NRG1: variants seen among roughly 807,000 people sequenced by gnomAD.
NRG1 encodes pro-neuregulin-1, membrane-bound isoform.
NRG1 carries 18 observed loss-of-function variants against 63.8 expected under a neutral mutation model. The observed-to-expected ratio is 0.28, with a 90% CI of 0.19 to 0.42. The LOEUF (loss-of-function observed/expected upper bound fraction) is 0.42, where lower values mean the gene tolerates loss of function less well. NRG1 is among the 10% of genes least tolerant of loss of function. The pLI is 1.00. For synonymous variants in NRG1, 302 were observed against 301.3 expected, an observed-to-expected ratio of 1.00 and a Z score of -0.02; for missense variants, 762 against 814.7, an observed-to-expected ratio of 0.94 and a Z score of 0.79.
intron 1 of NRG1, among the ~76,000 whole-genome samples, chr8:32,119,483 G>A (rs1019705140): frequency 6.6e-6 from 1 of 152,058 alleles, no homozygotes; most frequent in African/African-American, 2.4e-5. Flanking sequence ...CAGTGTGGCA[G>A]AGACTCTAGT....
At chr8:32,548,212 G>A (rs1833327194), upstream of NRG1, 3 of 984,114 alleles carry the variant, frequency 3.0e-6, no homozygotes, top group Non-Finnish European at 3.6e-6. Flanking sequence ...GAGGGGGCGA[G>A]GCCAGGGGAG....
chr8:31,744,776 A>G (rs558458822), intron 1 of NRG1, among the ~76,000 whole-genome samples: 2 of 152,126 alleles, frequency 1.3e-5, no homozygotes, highest in Admixed American at 6.6e-5. Flanking sequence ...TGAATACTGT[A>G]GTAATAATTT....
At chr8:32,309,866 C>A (rs1255443810) in intron 1 of NRG1, among the ~76,000 whole-genome samples, 1 of 152,210 alleles carries the variant, frequency 6.6e-6, no homozygotes, top group African/African-American at 2.4e-5. Flanking sequence ...CAAAAATATG[C>A]AATTTTTCTA....
intron 1 of NRG1, among the ~76,000 whole-genome samples, chr8:32,495,104 A>G (rs1214263253): frequency 1.3e-5 from 2 of 152,182 alleles, no homozygotes; most frequent in Non-Finnish European, 2.9e-5. Flanking sequence ...GGTAATACTA[A>G]TAATTACAGT....
intron 1 of NRG1, among the ~76,000 whole-genome samples, chr8:32,521,131 A>T (rs1027182907): frequency 2.6e-5 from 4 of 152,162 alleles, no homozygotes. Flanking sequence ...AAAAAATAGT[A>T]TATATAGGGT....
intron 1 of NRG1, among the ~76,000 whole-genome samples, chr8:31,928,354 A>T (rs1234002504): frequency 0.036 from 705 of 19,354 alleles, 8 homozygotes; most frequent in Middle Eastern, 0.28. Flanking sequence ...GGATGTGGTA[A>T]AAAAAAAAAA....
intron 7 of NRG1, chr8:32,749,563 C>G (rs770029196): frequency 1.2e-6 from 2 of 1,613,848 alleles, no homozygotes; most frequent in South Asian, 2.2e-5. Flanking sequence ...ATTGGCAGAG[C>G]ATCTTGGGAT....
intron 1 of NRG1, among the ~76,000 whole-genome samples, chr8:31,869,366 T>C (rs2129611385): frequency 6.6e-6 from 1 of 152,264 alleles, no homozygotes; most frequent in Non-Finnish European, 1.5e-5. Flanking sequence ...GAGCTGTCAC[T>C]TGACCATGCA....
At chr8:32,210,947 AT>A (rs1844645647) in intron 1 of NRG1, among the ~76,000 whole-genome samples, 3 of 152,212 alleles carry the variant, frequency 2.0e-5, no homozygotes, top group Non-Finnish European at 4.4e-5. Flanking sequence ...AGTTTATTAA[AT>A]ATATTTGTTG....
intron 1 of NRG1, among the ~76,000 whole-genome samples, chr8:32,069,783 T>C (rs10087469): frequency 0.98 from 148,622 of 152,228 alleles, 72,652 homozygotes; most frequent in East Asian, 1. Context: ...GGCACTCAGT[T>C]CACCCAGGGA....
chr8:31,706,116 A>G (rs1449304296), intron 1 of NRG1, among the ~76,000 whole-genome samples: 1 of 152,214 alleles, frequency 6.6e-6, no homozygotes, highest in Non-Finnish European at 1.5e-5. Context: ...GAAAGAGTAA[A>G]TGAGTACATA....
intron 1 of NRG1, among the ~76,000 whole-genome samples, chr8:31,704,316 T>C (rs1585785950): frequency 6.6e-6 from 1 of 152,290 alleles, no homozygotes; most frequent in East Asian, 1.9e-4. Flanking sequence ...TGAAATCCTT[T>C]CTTGAAAATT....
At chr8:32,148,763 A>G (rs1837184564) in intron 1 of NRG1, among the ~76,000 whole-genome samples, 1 of 152,204 alleles carries the variant, frequency 6.6e-6, no homozygotes, top group Non-Finnish European at 1.5e-5. Flanking sequence ...CACCCTTTCA[A>G]TAAATCCTCA....
intron 1 of NRG1, among the ~76,000 whole-genome samples, chr8:32,175,902 A>C (rs1029082836): frequency 2.6e-5 from 4 of 152,240 alleles, no homozygotes; most frequent in Non-Finnish European, 5.9e-5. Context: ...AAATGGCCAT[A>C]CTGCCAAAGG....
At chr8:32,189,476 C>T (rs941921563) in intron 1 of NRG1, among the ~76,000 whole-genome samples, 5 of 152,136 alleles carry the variant, frequency 3.3e-5, no homozygotes, top group African/African-American at 4.8e-5. Flanking sequence ...AGAGCACGGT[C>T]CTGGCTCCAC....
intron 1 of NRG1, among the ~76,000 whole-genome samples, chr8:31,962,639 C>G (rs16878573): frequency 6.6e-6 from 1 of 152,076 alleles, no homozygotes; most frequent in Admixed American, 6.5e-5. Flanking sequence ...CAAATCCAAT[C>G]CCTTGTCTAG....
At chr8:31,952,411 G>A (rs1370499469) in intron 1 of NRG1, among the ~76,000 whole-genome samples, 1 of 152,210 alleles carries the variant, frequency 6.6e-6, no homozygotes, top group African/African-American at 2.4e-5. Context: ...AAAATTTGTG[G>A]TTGGGGTGAT....
At position 32,095,289 on chromosome 8, in the gene NRG1, G is replaced by T. The variant is rs1341134033; in HGVS notation, c.37+455858G>T. 2.6e-5 allele frequency among the ~76,000 whole-genome samples: 4 copies of T among 152,196 alleles called. No individual in the cohort carries two copies. In the East Asian group the frequency reaches 7.7e-4, roughly 29 times the overall value. ...ACATGAGCAGAGACTGTGTAGGTGGGATTGAGAGTGAAGACTGGGCTCATT... is the reference window on the plus strand; with the variant it reads ...ACATGAGCAGAGACTGTGTAGGTGGTATTGAGAGTGAAGACTGGGCTCATT... On this transcript the variant is annotated intron_variant, in intron 1 of 10. Transcript: ENST00000519301.
rs769852456 is a variant in NRG1 at position 32,530,117 on chromosome 8, C to CT, written c.38-65703dup. Among the ~76,000 whole-genome samples, 58 of 148,040 alleles carry CT rather than the reference C, an allele frequency of 3.9e-4. No individual in the cohort carries two copies. In the East Asian group the frequency reaches 8.5e-3, roughly 22 times the overall value. On this transcript the variant is annotated intron_variant, in intron 1 of 10. Coordinates refer to the NRG1 transcript ENST00000519301. ...GCTCCATTATAATCCTTTTTTTTTT[C>CT]TTTTTTTTGAGGCGGAGTCTCACTC...
Sources: allele counts gnomAD v4.1 joint callset (sites outside exome capture counted in the v4.1 genomes callset), GRCh38; gene constraint gnomAD v4.1.1; transcripts MANE v1.5; gene names NCBI Gene and HGNC (gene_info 2026-07-23, HGNC 2026-07-21).